Variants in POU6F2 observed in about 807,000 individuals in gnomAD.
POU6F2 encodes POU class 6 homeobox 2.
Under a neutral mutation model 71.3 loss-of-function variants are expected in POU6F2, and 31 were observed. That is an observed-to-expected ratio of 0.43 (90% CI 0.33 to 0.59). POU6F2 has a LOEUF of 0.59. Ranked by LOEUF, POU6F2 falls within the 20% of genes least tolerant of loss-of-function variation. POU6F2 has a pLI of 0.04. For missense variants in POU6F2, 783 were observed against 856.8 expected, an observed-to-expected ratio of 0.91 and a Z score of 1.07; for synonymous variants, 347 against 355.7, an observed-to-expected ratio of 0.98 and a Z score of 0.27.
At chr7:39,389,437 T>C (rs17686887) in intron 5 of POU6F2, among the ~76,000 whole-genome samples, 16,873 of 152,196 alleles carry the variant, frequency 0.11, 1,183 homozygotes, top group Non-Finnish European at 0.15. Context: ...TATAAACTTC[T>C]TCAGTTCTGA....
At chr7:39,204,177 G>A (rs1182539260) in intron 2 of POU6F2, 58 bp from the exon 3 acceptor site, 34 of 1,427,856 alleles carry the variant, frequency 2.4e-5, no homozygotes, top group Non-Finnish European at 3.2e-5. Flanking sequence ...AATGTTATGT[G>A]ACATCAGTTC....
intron 1 of POU6F2, among the ~76,000 whole-genome samples, chr7:39,030,959 G>T (rs1789928390): frequency 6.6e-6 from 1 of 152,098 alleles, no homozygotes; most frequent in African/African-American, 2.4e-5. Context: ...GGAGGGCAGT[G>T]GTGTGATCTC....
At chr7:38,991,548 G>A (rs969625578) in intron 1 of POU6F2, among the ~76,000 whole-genome samples, 1 of 152,154 alleles carries the variant, frequency 6.6e-6, no homozygotes, top group East Asian at 1.9e-4. Context: ...TAGAGGCCAT[G>A]AATGTCATAC....
intron 4 of POU6F2, among the ~76,000 whole-genome samples, chr7:39,238,600 C>T (rs2128751039): frequency 6.6e-6 from 1 of 152,292 alleles, no homozygotes; most frequent in South Asian, 2.1e-4. Context: ...TTTGCCAACA[C>T]TTGCTCTATA....
intron 4 of POU6F2, among the ~76,000 whole-genome samples, chr7:39,326,848 C>T (rs989407058): frequency 2.6e-5 from 4 of 152,136 alleles, no homozygotes; most frequent in African/African-American, 4.8e-5. Flanking sequence ...TCAGCTAAGC[C>T]CCAGGTTGTC....
intron 5 of POU6F2, among the ~76,000 whole-genome samples, chr7:39,385,210 A>G (rs1786910940): frequency 6.6e-6 from 1 of 152,234 alleles, no homozygotes; most frequent in African/African-American, 2.4e-5. Context: ...TAAGTTAGAA[A>G]ATGAGACACA....
intron 1 of POU6F2, chr7:39,001,941 A>G (rs551197470): frequency 2.0e-5 from 3 of 152,372 alleles, no homozygotes; most frequent in African/African-American, 7.2e-5. Flanking sequence ...GGTGATAGTC[A>G]TGGTGATGTG....
intron 4 of POU6F2, among the ~76,000 whole-genome samples, chr7:39,243,666 T>A (rs1783765246): frequency 6.6e-6 from 1 of 151,964 alleles, no homozygotes; most frequent in Admixed American, 6.6e-5. Context: ...TAATTTATTC[T>A]AGGAACCAAG....
intron 1 of POU6F2, among the ~76,000 whole-genome samples, chr7:39,013,975 C>A (rs1456005513): frequency 6.6e-6 from 1 of 152,096 alleles, no homozygotes; most frequent in Non-Finnish European, 1.5e-5. Flanking sequence ...CAGATTTTTT[C>A]CCTTCAGAGG....
At chr7:39,431,881 G>T (rs1306339333) in intron 6 of POU6F2, among the ~76,000 whole-genome samples, 1 of 152,168 alleles carries the variant, frequency 6.6e-6, no homozygotes, top group Non-Finnish European at 1.5e-5. Flanking sequence ...CCCAGGCCAG[G>T]TCACCAGATT....
At position 39,451,669 on chromosome 7, in the gene POU6F2, C is replaced by T; in HGVS notation, c.1457C>T (p.Ser486Phe). 1 of 1,608,064 alleles carries T rather than the reference C, an allele frequency of 6.2e-7. No homozygotes were observed. Among genetic ancestry groups the T allele is most frequent in the Admixed American group, 1.7e-5 (1 of 59,198 alleles). ...TCTTCTTCCTCCTCATCCTCCTCTT[C>T]TTCAGCTTTGAGCGTGGGCCAGTTA... Reference protein sequence around the residue: ...ASSSSSSSSSSSALSVGQLVS... With the variant: ...ASSSSSSSSSFSALSVGQLVS... The change falls in exon 8 of 10, where the codon TCT becomes TTT. Residue 486 changes from serine to phenylalanine, a missense_variant. This residue lies in a region of POU6F2 where 572 missense variants were observed against 572.9 expected (regional missense o/e 1.00). Coordinates refer to ENST00000518318, the MANE Select transcript of POU6F2 (RefSeq NM_001370959.1).
chr7:39,056,704 G>GTGTGTT (rs1790534316), intron 1 of POU6F2, among the ~76,000 whole-genome samples: 1 of 150,880 alleles, frequency 6.6e-6, no homozygotes, highest in African/African-American at 2.4e-5. Context: ...GTGTGTGTGT[G>GTGTGTT]TAGGTGGTGG....
chr7:39,441,985 C>A (rs970588337), intron 7 of POU6F2, among the ~76,000 whole-genome samples: 2 of 152,138 alleles, frequency 1.3e-5, no homozygotes, highest in Non-Finnish European at 2.9e-5. Flanking sequence ...CCAATATTAT[C>A]ATTTATCTAC....
intron 1 of POU6F2, among the ~76,000 whole-genome samples, chr7:39,042,551 A>G (rs62442179): frequency 0.17 from 26,135 of 152,014 alleles, 2,592 homozygotes; most frequent in Non-Finnish European, 0.23. Flanking sequence ...ATGTAGCATG[A>G]ACAAGAAAAA....
intron 1 of POU6F2, among the ~76,000 whole-genome samples, chr7:39,016,063 T>TG (rs1789532634): frequency 5.0e-5 from 3 of 59,632 alleles, no homozygotes; most frequent in Admixed American, 2.3e-4. Context: ...ATATTATATA[T>TG]AATATATAGA....
chr7:39,199,817 A>G (rs1016829752), intron 2 of POU6F2, among the ~76,000 whole-genome samples: 9 of 152,200 alleles, frequency 5.9e-5, no homozygotes, highest in African/African-American at 2.2e-4. Flanking sequence ...AATAAGTTGT[A>G]TCCAAGTGTA....
intron 4 of POU6F2, among the ~76,000 whole-genome samples, chr7:39,277,502 A>G (rs1473170951): frequency 6.6e-6 from 1 of 152,120 alleles, no homozygotes; most frequent in East Asian, 1.9e-4. Flanking sequence ...AGAACATGCA[A>G]TATTTGGTTT....
intron 5 of POU6F2, among the ~76,000 whole-genome samples, chr7:39,360,997 T>C (rs1297947061): frequency 6.6e-6 from 1 of 152,184 alleles, no homozygotes; most frequent in Non-Finnish European, 1.5e-5. Context: ...TGAGTTAGAA[T>C]GTCTAACCAT....
intron 1 of POU6F2, among the ~76,000 whole-genome samples, chr7:39,012,337 T>A (rs1426721918): frequency 6.6e-6 from 1 of 152,090 alleles, no homozygotes; most frequent in African/African-American, 2.4e-5. Context: ...TCTTCTGCAT[T>A]CTTCACGTAG....
Sources: allele counts gnomAD v4.1 joint callset (sites outside exome capture counted in the v4.1 genomes callset), GRCh38; gene constraint gnomAD v4.1.1; regional missense constraint gnomAD v4.1.1; transcripts MANE v1.5; gene names NCBI Gene and HGNC (gene_info 2026-07-23, HGNC 2026-07-21).